Variants in CYB561A3 observed in about 807,000 individuals in gnomAD.
CYB561A3 encodes the protein lysosomal membrane ascorbate-dependent ferrireductase CYB561A3.
Under a neutral mutation model 25.3 loss-of-function variants are expected in CYB561A3, and 16 were observed. The ratio of observed to expected loss-of-function variants is 0.63; its 90% CI spans 0.43 to 0.96. The LOEUF (loss-of-function observed/expected upper bound fraction) is 0.96, where lower values mean the gene tolerates loss of function less well. CYB561A3 is among the 40% of genes least tolerant of loss of function. The pLI is 0.00. For missense variants in CYB561A3, 219 were observed against 307.5 expected (o/e 0.71, Z 2.15); for synonymous variants, 131 against 129.9 (o/e 1.01, Z -0.06).
rs1175865936 is a variant in CYB561A3 at position 61,349,350 on chromosome 11, ACAC to A, written c.*1046_*1048del. 7.6e-5 allele frequency: 43 copies of A among 566,820 alleles called. No homozygotes were observed. The Middle Eastern group carries it at 9.6e-4, about 13-fold the overall frequency. The allele number at this position is 566,820 out of a possible 1,614,324, so 35.1% of individuals were successfully genotyped here. On this transcript the variant is annotated 3_prime_UTR_variant, in exon 7 of 7. Transcript: ENST00000294072. ...GGCTCCCAGGGCTGCTGCACACTGGACACCACAACTTTGGCATCAGCTGCATGG... is the reference window on the plus strand; with the variant it reads ...GGCTCCCAGGGCTGCTGCACACTGGACACAACTTTGGCATCAGCTGCATGG...
At position 61,351,153 on chromosome 11, in the gene CYB561A3, G is replaced by C. The variant is rs1351932226; in HGVS notation, c.549-6C>G. 1.2e-6 allele frequency: 2 copies of C among 1,605,666 alleles called. No individual in the cohort carries two copies. The highest frequency in any genetic ancestry group is 1.1e-5 in the South Asian group (1 of 89,692). ...ATGGCCTGGTGGTGTTTTTCCTGAA[G>C]ATGACAAAACAATGTGAGCCCTCGA... On this transcript the variant is annotated splice_polypyrimidine_tract_variant and splice_region_variant and intron_variant, in intron 5 of 6. Coordinates refer to ENST00000294072, the MANE Select transcript of CYB561A3 (RefSeq NM_153611.6).
chr11:61,357,442 G>T (rs1348371244), intron 2 of CYB561A3: 15 of 535,680 alleles, frequency 2.8e-5, no homozygotes, highest in Non-Finnish European at 4.3e-5. Flanking sequence ...TTTATTTTGA[G>T]ATTTCCACAA....
At chr11:61,357,017 A>C in intron 2 of CYB561A3, 1 of 1,469,808 alleles carries the variant, frequency 6.8e-7, no homozygotes, top group South Asian at 1.3e-5. Context: ...AAGGCCCAAG[A>C]CCCAGAGTCC....
chr11:61,354,232 G>GTAAT (rs1857550663), intron 3 of CYB561A3: 1 of 547,490 alleles, frequency 1.8e-6, no homozygotes, highest in African/African-American at 1.9e-5. Flanking sequence ...GCTCATGCCT[G>GTAAT]TAATTCCAGC....
chr11:61,353,472 G>A, intron 4 of CYB561A3: 1 of 654,040 alleles, frequency 1.5e-6, no homozygotes, highest in South Asian at 1.5e-5. Flanking sequence ...AATTCTTTTG[G>A]TTCACAGAGG....
chr11:61,354,684 T>C (rs1012502053), intron 3 of CYB561A3: 1 of 152,052 alleles, frequency 6.6e-6, no homozygotes, highest in African/African-American at 2.4e-5. Context: ...GACCTCTCAT[T>C]CTATTTTCAC....
chr11:61,349,473 A>G lies in CYB561A3; in HGVS notation c.*926T>C, dbSNP rs1379651911. 4 of 692,760 alleles carry G rather than the reference A, an allele frequency of 5.8e-6. No individual in the cohort carries two copies. Among genetic ancestry groups the G allele is most frequent in the Non-Finnish European group, 1.1e-5 (4 of 377,724 alleles). 42.9% of individuals were successfully genotyped at this position (692,760 alleles called of 1,614,324 possible). The stretch of plus-strand genomic sequence containing the variant: ...GCAGGAAGGCCCTGATCCAGCAAGG[A>G]GAAGTAGAGGAAGTCCACAGCCACC... On this transcript the variant is annotated 3_prime_UTR_variant, in exon 7 of 7. Coordinates refer to ENST00000294072, the MANE Select transcript of CYB561A3 (RefSeq NM_153611.6).
In CYB561A3 at chr11:61,353,640, A is replaced by G; in HGVS notation, c.393+144T>C. The G allele has an allele frequency of 1.0e-5, 10 of 957,100 alleles. No individual in the cohort carries two copies. In the South Asian group the frequency reaches 1.1e-4, roughly 11 times the overall value. 59.3% of individuals were successfully genotyped at this position (957,100 alleles called of 1,614,324 possible). A position where few individuals can be genotyped will look rare whatever the true frequency, so the allele number is the denominator to read the frequency against. ...GCCACTGACCTCCCACAGCCCTTGA[A>G]TAAACTGTCAGTTCTACAAGATAAC... On this transcript the variant is annotated intron_variant, in intron 4 of 6. Coordinates refer to ENST00000294072, the MANE Select transcript of CYB561A3 (RefSeq NM_153611.6).
chr11:61,356,844 T>C, intron 2 of CYB561A3, 116 bp from the exon 3 acceptor site: 1 of 1,477,430 alleles, frequency 6.8e-7, no homozygotes, highest in Non-Finnish European at 9.0e-7. Flanking sequence ...TTTGCTTCAG[T>C]TCCCCTGCAT....
In CYB561A3 at chr11:61,356,607, G is replaced by C; in HGVS notation, c.107C>G (p.Ala36Gly). ...GAACATGTAGATGCTGCCATTCCAG[G>C]CAAAGCCACCACGCCAGTACTGCAT... ...YWMQYWRGGF[A>G]WNGSIYMFNW... Residue 36 changes from alanine to glycine, a missense_variant, in exon 3 of 7, where the codon GCC becomes GGC. By Grantham distance (60) the Ala-to-Gly change is moderately conservative. Coordinates refer to ENST00000294072, the MANE Select transcript of CYB561A3 (RefSeq NM_153611.6). 1 of 1,614,122 alleles carries C rather than the reference G, an allele frequency of 6.2e-7. No individual in the cohort carries two copies. Among genetic ancestry groups the C allele is most frequent in the Middle Eastern group, 1.7e-4 (1 of 6,060 alleles).
intron 1 of CYB561A3, chr11:61,360,193 C>G (rs781026880): frequency 2.6e-5 from 4 of 152,112 alleles, no homozygotes; most frequent in Admixed American, 2.0e-4. Flanking sequence ...GAGCCGAGAT[C>G]GCACCACTGC....
rs964666399 is a variant in CYB561A3 at position 61,349,470 on chromosome 11, A to T, written c.*929T>A. Reference sequence around the variant, plus strand: ...GAGGCAGGAAGGCCCTGATCCAGCAAGGAGAAGTAGAGGAAGTCCACAGCC... The same window carrying T: ...GAGGCAGGAAGGCCCTGATCCAGCATGGAGAAGTAGAGGAAGTCCACAGCC... On this transcript the variant is annotated 3_prime_UTR_variant, in exon 7 of 7. Transcript: ENST00000294072. 3 of 690,734 alleles carry T rather than the reference A, an allele frequency of 4.3e-6. No individual in the cohort carries two copies. Among genetic ancestry groups the T allele is most frequent in the Non-Finnish European group, 8.0e-6 (3 of 376,302 alleles). 42.8% of individuals were successfully genotyped at this position (690,734 alleles called of 1,614,324 possible). A position where few individuals can be genotyped will look rare whatever the true frequency, so the allele number is the denominator to read the frequency against.
At position 61,349,703 on chromosome 11, in the gene CYB561A3, C is replaced by T. The variant is rs1256009069; in HGVS notation, c.*696G>A. On this transcript the variant is annotated 3_prime_UTR_variant, in exon 7 of 7. Transcript: ENST00000294072. ...GCAGACACAGAGCAGCAATACGAAA[C>T]AGAACAGCTCAGAGCGGTCAGCTCC... 1 of 699,494 alleles carries T rather than the reference C, an allele frequency of 1.4e-6. No individual in the cohort carries two copies. Among genetic ancestry groups the T allele is most frequent in the East Asian group, 2.7e-5 (1 of 37,190 alleles). The allele number at this position is 699,494 out of a possible 1,614,324, so 43.3% of individuals were successfully genotyped here.
At chr11:61,352,817 A>G (rs1271259245) in intron 5 of CYB561A3, 168 bp downstream of exon 5, 1 of 1,451,914 alleles carries the variant, frequency 6.9e-7, no homozygotes, top group South Asian at 1.5e-5. Context: ...CTGCTGACTT[A>G]CCAATTTCAA....
At chr11:61,353,711 G>T in intron 4 of CYB561A3, 73 bp downstream of exon 4, 1 of 1,457,840 alleles carries the variant, frequency 6.9e-7, no homozygotes, top group African/African-American at 1.4e-5. Flanking sequence ...AATATTTGGT[G>T]CTCATGCAAG....
chr11:61,354,187 G>T, intron 3 of CYB561A3, 195 bp from the exon 4 acceptor site: 1 of 639,600 alleles, frequency 1.6e-6, no homozygotes, highest in Non-Finnish European at 2.7e-6. Context: ...GGAGAGAAGG[G>T]CCAGTTAAAA....
chr11:61,352,964 T>C, intron 5 of CYB561A3, 21 bp downstream of exon 5: 1 of 1,614,144 alleles, frequency 6.2e-7, no homozygotes, highest in Non-Finnish European at 8.5e-7. Flanking sequence ...ACCTTAGAGT[T>C]GGGGACCCCA....
rs1396832947 is a variant in CYB561A3 at position 61,349,908 on chromosome 11, C to T, written c.*491G>A. The stretch of plus-strand genomic sequence containing the variant: ...AAGTGGACGGACACCTCACCTCCCT[C>T]ATGTTTCACACCGTGGACTGCACTT... On this transcript the variant is annotated 3_prime_UTR_variant, in exon 7 of 7. Coordinates refer to ENST00000294072, the MANE Select transcript of CYB561A3 (RefSeq NM_153611.6). 1.7e-5 allele frequency: 9 copies of T among 516,574 alleles called. No individual in the cohort carries two copies. The highest frequency in any genetic ancestry group is 6.4e-5 in the Admixed American group (2 of 31,280). 32.0% of individuals were successfully genotyped at this position (516,574 alleles called of 1,614,324 possible).
chr11:61,351,607 T>G, intron 5 of CYB561A3: 1 of 151,440 alleles, frequency 6.6e-6, no homozygotes, highest in Non-Finnish European at 1.5e-5. Context: ...ACACCCTTTC[T>G]AAGTCCCTGC....
Sources: allele counts gnomAD v4.1 joint callset, GRCh38; gene constraint gnomAD v4.1.1; transcripts MANE v1.5; gene names NCBI Gene and HGNC (gene_info 2026-07-23, HGNC 2026-07-21).